ASIC2: variants seen among roughly 807,000 people sequenced by gnomAD.
ASIC2 encodes acid sensing ion channel subunit 2.
In ASIC2, 25 loss-of-function variants were observed where a neutral mutation model predicts 57.3. The ratio of observed to expected loss-of-function variants is 0.44; its 90% CI spans 0.32 to 0.61. The LOEUF is 0.61. Among genes scored for constraint, ASIC2 ranks in the 20% least tolerant of loss-of-function variants. The pLI, the probability that ASIC2 is intolerant of heterozygous loss-of-function variation, is 0.06. For missense variants in ASIC2, 641 were observed against 738.1 expected (o/e 0.87, Z 1.52); for synonymous variants, 319 against 307.5 (o/e 1.04, Z -0.39).
intron 1 of ASIC2, among the ~76,000 whole-genome samples, chr17:33,897,910 A>T (rs951892948): frequency 1.3e-5 from 2 of 152,222 alleles, no homozygotes; most frequent in African/African-American, 4.8e-5. Context: ...CCATGGCAGA[A>T]ATCGAAGATG....
At chr17:33,757,525 C>G (rs960859024) in intron 1 of ASIC2, among the ~76,000 whole-genome samples, 1 of 152,148 alleles carries the variant, frequency 6.6e-6, no homozygotes. Flanking sequence ...CTGAGAAATT[C>G]ACAAGATCTT....
At chr17:33,329,456 A>G (rs1408028407) in intron 1 of ASIC2, among the ~76,000 whole-genome samples, 2 of 152,112 alleles carry the variant, frequency 1.3e-5, no homozygotes, top group African/African-American at 4.8e-5. Context: ...GAGGACCCAG[A>G]CTCTGTGTTA....
intron 1 of ASIC2, among the ~76,000 whole-genome samples, chr17:33,416,623 G>T (rs557354352): frequency 6.6e-6 from 1 of 152,346 alleles, no homozygotes; most frequent in East Asian, 1.9e-4. Flanking sequence ...GAGGATGGGT[G>T]ATGCCGTTGT....
rs1484989114 is a variant in ASIC2, at chr17:33,561,656, TA to T, written c.556-449590del. ...TTTGGTGTTTTTATTCAGACAGACA[TA>T]GGGGGCGTGAGCTAGAACATATGCT... On this transcript the variant is annotated intron_variant, in intron 1 of 9. Transcript: ENST00000359872. 4.6e-5 allele frequency among the ~76,000 whole-genome samples: 7 copies of T among 152,238 alleles called. No homozygotes were observed. In the South Asian group the frequency reaches 1.4e-3, roughly 32 times the overall value.
At position 34,104,047 on chromosome 17, in the gene ASIC2, G is replaced by C. The variant is rs141169220; in HGVS notation, c.555+51931C>G. 1.7e-3 allele frequency among the ~76,000 whole-genome samples: 257 copies of C among 152,182 alleles called. 1 individual carries two copies. The highest frequency in any genetic ancestry group is 5.9e-3 in the African/African-American group (243 of 41,532). ...TCGAGCTATGGATCGCTGTGGGAAG[G>C]TTTGACATCCTAACAATATTGAATT... On this transcript the variant is annotated intron_variant, in intron 1 of 9. Transcript: ENST00000359872.
At chr17:33,893,587 A>T (rs1915017390) in intron 1 of ASIC2, among the ~76,000 whole-genome samples, 1 of 152,192 alleles carries the variant, frequency 6.6e-6, no homozygotes, top group South Asian at 2.1e-4. Context: ...AATTAGCAGT[A>T]TCAGCTGGGG....
chr17:33,918,935 T>C (rs1256363249), intron 1 of ASIC2, among the ~76,000 whole-genome samples: 1 of 152,216 alleles, frequency 6.6e-6, no homozygotes, highest in Non-Finnish European at 1.5e-5. Flanking sequence ...CTAGGAGTCC[T>C]GGCTGCCAAC....
chr17:33,548,675 C>T (rs986603670), intron 1 of ASIC2, among the ~76,000 whole-genome samples: 2 of 152,120 alleles, frequency 1.3e-5, no homozygotes, highest in African/African-American at 4.8e-5. Context: ...AATTCCAAAT[C>T]CCTACTATCT....
At chr17:33,460,514 G>A (rs1038747863) in intron 1 of ASIC2, among the ~76,000 whole-genome samples, 11 of 152,244 alleles carry the variant, frequency 7.2e-5, no homozygotes, top group East Asian at 1.9e-4. Context: ...GAAGCCGTAA[G>A]TGAGGCCAGT....
chr17:34,042,023 TCACA>T (rs1908152580), intron 1 of ASIC2, among the ~76,000 whole-genome samples: 2 of 152,298 alleles, frequency 1.3e-5, no homozygotes, highest in South Asian at 4.2e-4. Flanking sequence ...TAGGACAAAC[TCACA>T]CGAAGATTCC....
At chr17:33,832,842 G>A (rs1913156219) in intron 1 of ASIC2, among the ~76,000 whole-genome samples, 1 of 152,174 alleles carries the variant, frequency 6.6e-6, no homozygotes, top group Middle Eastern at 3.2e-3. Context: ...AGGCCCTTCG[G>A]AAGGCAGGCA....
chr17:33,090,971 T>C (rs2092155273), intron 2 of ASIC2, among the ~76,000 whole-genome samples: 1 of 152,208 alleles, frequency 6.6e-6, no homozygotes. Flanking sequence ...TTCCCTCCAG[T>C]ACAGTCATTG....
chr17:33,014,157 G>T (rs2091793878), intron 9 of ASIC2, 91 bp from the exon 10 acceptor site: 1 of 1,004,458 alleles, frequency 1.0e-6, no homozygotes, highest in Non-Finnish European at 1.5e-6. Context: ...CCTGGGGAAG[G>T]TGCTCCCCAC....
chr17:33,420,032 T>C (rs1910990948), intron 1 of ASIC2, among the ~76,000 whole-genome samples: 1 of 152,186 alleles, frequency 6.6e-6, no homozygotes, highest in Non-Finnish European at 1.5e-5. Flanking sequence ...GAATAAGGAA[T>C]GGGGAGAGAG....
chr17:33,661,754 A>C (rs1043042009), intron 1 of ASIC2, among the ~76,000 whole-genome samples: 3 of 152,220 alleles, frequency 2.0e-5, no homozygotes, highest in Non-Finnish European at 4.4e-5. Context: ...ATGTGGCATA[A>C]AGTCCTGGAG....
intron 1 of ASIC2, among the ~76,000 whole-genome samples, chr17:33,921,833 A>C (rs1280353225): frequency 6.6e-6 from 1 of 152,216 alleles, no homozygotes; most frequent in Admixed American, 6.5e-5. Flanking sequence ...TAAGCTCATT[A>C]TGGGGAATTT....
At chr17:33,080,723 G>A (rs568071550) in intron 3 of ASIC2, among the ~76,000 whole-genome samples, 1 of 152,264 alleles carries the variant, frequency 6.6e-6, no homozygotes, top group South Asian at 2.1e-4. Context: ...TTGAACACAA[G>A]CACTGCCATA....
intron 1 of ASIC2, among the ~76,000 whole-genome samples, chr17:33,220,375 CT>C (rs1344963133): frequency 6.6e-6 from 1 of 152,212 alleles, no homozygotes; most frequent in Non-Finnish European, 1.5e-5. Flanking sequence ...GTGAAGGCCA[CT>C]GTCATTTCCC....
chr17:33,445,155 G>T (rs1300826885), intron 1 of ASIC2, among the ~76,000 whole-genome samples: 1 of 152,180 alleles, frequency 6.6e-6, no homozygotes, highest in Non-Finnish European at 1.5e-5. Flanking sequence ...AGAAGACATG[G>T]GCTGGGTGCA....
Sources: allele counts gnomAD v4.1 joint callset (sites outside exome capture counted in the v4.1 genomes callset), GRCh38; gene constraint gnomAD v4.1.1; transcripts MANE v1.5; gene names NCBI Gene and HGNC (gene_info 2026-07-23, HGNC 2026-07-21).